The following FBLN2 variants were observed in gnomAD, a reference collection of about 807,000 sequenced individuals.
FBLN2 encodes the protein fibulin-2.
Under a neutral mutation model 123.7 loss-of-function variants are expected in FBLN2, and 81 were observed. That is an observed-to-expected ratio of 0.65 (90% CI 0.55 to 0.79). The LOEUF (loss-of-function observed/expected upper bound fraction) is 0.79, where lower values mean the gene tolerates loss of function less well. Among genes scored for constraint, FBLN2 ranks in the 30% least tolerant of loss-of-function variants. The pLI is 0.00. For synonymous variants in FBLN2, 699 were observed against 701.4 expected, an observed-to-expected ratio of 1.00 and a Z score of 0.05; for missense variants, 1,603 against 1,681.3, an observed-to-expected ratio of 0.95 and a Z score of 0.81.
chr3:13,636,148 G>A (rs567205151), intron 16 of FBLN2, among the ~76,000 whole-genome samples: 19 of 152,302 alleles, frequency 1.2e-4, no homozygotes, highest in East Asian at 9.7e-4. Context: ...AAGGAGCTTA[G>A]AGAGGCCAGA....
In FBLN2 at chr3:13,581,210, G is replaced by C. The variant is rs1704312850; in HGVS notation, c.1306+9549G>C. Among the ~76,000 whole-genome samples the C allele has an allele frequency of 2.0e-5, 3 of 149,922 alleles. No homozygotes were observed. In the South Asian group the frequency reaches 6.4e-4, roughly 32 times the overall value. On this transcript the variant is annotated intron_variant, in intron 2 of 17. Coordinates refer to ENST00000404922, the MANE Select transcript of FBLN2 (RefSeq NM_001004019.2). ...CACACACGCGGGGAAGTCAGGGGCG[G>C]CAGGTGGGGGGTGGGGGGGAGGTGT...
chr3:13,553,597 A>G (rs76187367), intron 1 of FBLN2, among the ~76,000 whole-genome samples: 39 of 152,312 alleles, frequency 2.6e-4, no homozygotes, highest in Non-Finnish European at 4.9e-4. Flanking sequence ...GTCTTCAGTT[A>G]TTGGAATTTG....
chr3:13,581,763 C>T (rs1429489164), intron 2 of FBLN2, among the ~76,000 whole-genome samples: 2 of 152,184 alleles, frequency 1.3e-5, no homozygotes, highest in African/African-American at 4.8e-5. Flanking sequence ...CACGTGCCTC[C>T]TCTCATTTAG....
chr3:13,579,709 A>G lies in FBLN2; in HGVS notation c.1306+8048A>G, dbSNP rs548315003. On this transcript the variant is annotated intron_variant, in intron 2 of 17. Transcript: ENST00000404922. ...CCGGTTCCCTTACTGATGGATATTC[A>G]GGTTGGTTCCAGTCTTTTGCTCTTA... Among the ~76,000 whole-genome samples, 13 of 152,348 alleles carry G rather than the reference A, an allele frequency of 8.5e-5. No homozygotes were observed. In the East Asian group the frequency reaches 1.2e-3, roughly 14 times the overall value.
At chr3:13,626,616 C>T in intron 10 of FBLN2, 37 bp downstream of exon 10, 3 of 1,509,402 alleles carry the variant, frequency 2.0e-6, no homozygotes, top group East Asian at 2.5e-5. Flanking sequence ...GGAGGCCCCG[C>T]CCCATGGCCA....
chr3:13,565,638 C>T (rs923011650), intron 1 of FBLN2, among the ~76,000 whole-genome samples: 1 of 152,204 alleles, frequency 6.6e-6, no homozygotes, highest in Non-Finnish European at 1.5e-5. Flanking sequence ...GCACATGATA[C>T]GTAAAGCGTT....
intron 4 of FBLN2, among the ~76,000 whole-genome samples, chr3:13,612,123 G>C (rs113462240): frequency 2.0e-5 from 3 of 152,202 alleles, no homozygotes; most frequent in African/African-American, 7.2e-5. Context: ...CTTCAATTTT[G>C]GTCATCTTGG....
chr3:13,592,018 C>CT (rs869103466), intron 2 of FBLN2, among the ~76,000 whole-genome samples: 12,144 of 132,006 alleles, frequency 0.092, 785 homozygotes, highest in East Asian at 0.24. Flanking sequence ...CCTCTCTTTT[C>CT]TTTTTTTTTT....
chr3:13,570,727 T>C lies in FBLN2; in HGVS notation c.372T>C (p.Ala124=). 1.2e-6 allele frequency: 2 copies of C among 1,601,464 alleles called. No homozygotes were observed. Among genetic ancestry groups the C allele is most frequent in the Non-Finnish European group, 1.7e-6 (2 of 1,174,474 alleles). ...CPELPPNCIE[A]VVVADSCPQC... is the part of the protein sequence containing the mutation. ...AGCTGCCGCCCAACTGCATCGAGGC[T>C]GTAGTGGTGGCTGACAGCTGCCCAC... is the stretch of plus-strand genomic sequence containing the variant. The change falls in exon 2 of 18, where the codon GCT becomes GCC. Residue 124 remains alanine (A), a synonymous_variant. Coordinates refer to ENST00000404922, the MANE Select transcript of FBLN2 (RefSeq NM_001004019.2).
chr3:13,612,224 T>A (rs1424564611), intron 4 of FBLN2, among the ~76,000 whole-genome samples: 2 of 152,176 alleles, frequency 1.3e-5, no homozygotes, highest in African/African-American at 2.4e-5. Flanking sequence ...TCTGTCTTTA[T>A]GTTTGACCCT....
chr3:13,625,597 G>A (rs1386307900), intron 9 of FBLN2, among the ~76,000 whole-genome samples: 17 of 151,814 alleles, frequency 1.1e-4, no homozygotes, highest in Admixed American at 1.1e-3. Flanking sequence ...CAGCTGCTTG[G>A]CCAGAAGCTC....
At chr3:13,553,511 C>T (rs867904048) in intron 1 of FBLN2, among the ~76,000 whole-genome samples, 1 of 152,212 alleles carries the variant, frequency 6.6e-6, no homozygotes, top group African/African-American at 2.4e-5. Flanking sequence ...ACGCCCACAC[C>T]ACAAACTCGC....
In FBLN2 at chr3:13,619,799, A is replaced by C. The variant is rs780631523; in HGVS notation, c.2123A>C (p.Tyr708Ser). Residue 708 changes from tyrosine to serine, a missense_variant, in exon 8 of 18, where the codon TAT becomes TCT. By Grantham distance (144) the Tyr-to-Ser change is moderately radical. Coordinates refer to ENST00000404922, the MANE Select transcript of FBLN2 (RefSeq NM_001004019.2). Reference sequence around the variant, plus strand: ...GCCATATGCTCCTGTTTTCCCGGCTATGCCATCATGGCGGATGGCGTGTCC... The same window carrying C: ...GCCATATGCTCCTGTTTTCCCGGCTCTGCCATCATGGCGGATGGCGTGTCC... ...GSAICSCFPG[Y>S]AIMADGVSCE... The C allele has an allele frequency of 1.9e-6, 3 of 1,612,806 alleles. No homozygotes were observed. The highest frequency in any genetic ancestry group is 1.1e-5 in the South Asian group (1 of 90,824).
chr3:13,606,301 A>C (rs1705201204), intron 2 of FBLN2, among the ~76,000 whole-genome samples: 1 of 152,246 alleles, frequency 6.6e-6, no homozygotes, highest in South Asian at 2.1e-4. Flanking sequence ...ACATTCCAGA[A>C]ACATTTCTTA....
intron 13 of FBLN2, 110 bp downstream of exon 13, chr3:13,629,402 C>T: frequency 2.2e-6 from 3 of 1,376,830 alleles, no homozygotes; most frequent in Non-Finnish European, 9.7e-7. Context: ...TGGGGCCCAC[C>T]TGCTGGAGTC....
Position 13,618,157 on chromosome 3 carries a change from A to G in FBLN2, c.1811A>G (p.Asp604Gly). ...CTGCCGAACAGCCTGCCGGGCGATGACCAGGATGAGTGCCTTCTCCTCCCG... is the reference window on the plus strand; with the variant it reads ...CTGCCGAACAGCCTGCCGGGCGATGGCCAGGATGAGTGCCTTCTCCTCCCG... ...AELPNSLPGD[D>G]QDECLLLPGE... is the part of the protein sequence containing the mutation. The change falls in exon 6 of 18, where the codon GAC becomes GGC. Residue 604 changes from aspartate (D) to glycine (G), a missense_variant. Coordinates refer to ENST00000404922, the MANE Select transcript of FBLN2 (RefSeq NM_001004019.2). 1.2e-6 allele frequency: 2 copies of G among 1,613,726 alleles called. No homozygotes were observed. Among genetic ancestry groups the G allele is most frequent in the Non-Finnish European group, 1.7e-6 (2 of 1,179,900 alleles).
rs1009650085 is a variant in FBLN2, at chr3:13,570,775, C to A, written c.420C>A (p.Val140=). The change falls in exon 2 of 18, where the codon GTC becomes GTA. Residue 140 remains valine, a synonymous_variant. Transcript: ENST00000404922. ...CACAGTGCGGCCAGGTGGGCTGCGT[C>A]CACGCGGGCCACAAGTACGCCGCTG... is the stretch of plus-strand genomic sequence containing the variant. ...SCPQCGQVGC[V]HAGHKYAAGH... 1.3e-6 allele frequency: 2 copies of A among 1,598,168 alleles called. No homozygotes were observed. The highest frequency in any genetic ancestry group is 2.7e-5 in the African/African-American group (2 of 74,648).
intron 14 of FBLN2, among the ~76,000 whole-genome samples, chr3:13,630,223 C>A (rs1706209559): frequency 6.6e-6 from 1 of 152,232 alleles, no homozygotes; most frequent in South Asian, 2.1e-4. Context: ...GTCATCTGTA[C>A]CCACAAATAG....
Position 13,629,949 on chromosome 3 carries a change from G to A in FBLN2, c.2968+4G>A, listed in dbSNP as rs775055251. The stretch of plus-strand genomic sequence containing the variant: ...GCGGACGGCAAGCGCTGTGAAGGTA[G>A]GCTGGCCCTCATCTCTGACCCTATG... On this transcript the variant is annotated splice_donor_region_variant and intron_variant, in intron 14 of 17. Transcript: ENST00000404922. The A allele has an allele frequency of 3.7e-6, 6 of 1,610,340 alleles. No individual in the cohort carries two copies. Among genetic ancestry groups the A allele is most frequent in the Non-Finnish European group, 5.1e-6 (6 of 1,178,994 alleles).
Sources: allele counts gnomAD v4.1 joint callset (sites outside exome capture counted in the v4.1 genomes callset), GRCh38; gene constraint gnomAD v4.1.1; transcripts MANE v1.5; gene names NCBI Gene and HGNC (gene_info 2026-07-23, HGNC 2026-07-21).